The following ARID1B variants were observed in gnomAD, a reference collection of about 807,000 sequenced individuals.
ARID1B encodes AT-rich interaction domain 1B.
A neutral mutation model predicts 212.3 loss-of-function variants in ARID1B; 30 were observed. The ratio of observed to expected loss-of-function variants is 0.14; its 90% CI spans 0.11 to 0.19. The LOEUF (loss-of-function observed/expected upper bound fraction) is 0.19, where lower values mean the gene tolerates loss of function less well. Among genes scored for constraint, ARID1B ranks in the 10% least tolerant of loss-of-function variants. The pLI, the probability that ARID1B is intolerant of heterozygous loss-of-function variation, is 1.00. For missense variants in ARID1B, 2,891 were observed against 3,204.0 expected (o/e 0.90, Z 2.36); for synonymous variants, 1,402 against 1,301.7 (o/e 1.08, Z -1.66).
intron 1 of ARID1B, among the ~76,000 whole-genome samples, chr6:156,816,846 G>A (rs973985551): frequency 1.3e-5 from 2 of 152,130 alleles, no homozygotes; most frequent in African/African-American, 4.8e-5. Flanking sequence ...TCCTTCTGGA[G>A]TTTGGATTTT....
At chr6:156,850,060 A>G (rs1406342430) in intron 2 of ARID1B, among the ~76,000 whole-genome samples, 1 of 149,244 alleles carries the variant, frequency 6.7e-6, no homozygotes. Flanking sequence ...TAGTTACTAG[A>G]TGCAGGCCCG....
chr6:157,202,780 G>A (rs1794194036), intron 18 of ARID1B, among the ~76,000 whole-genome samples: 1 of 150,250 alleles, frequency 6.7e-6, no homozygotes, highest in South Asian at 2.1e-4. Flanking sequence ...TATAGAATAT[G>A]TGTGTGTGTG....
chr6:157,058,552 A>G (rs1446694535), intron 4 of ARID1B, among the ~76,000 whole-genome samples: 1 of 152,218 alleles, frequency 6.6e-6, no homozygotes, highest in Non-Finnish European at 1.5e-5. Context: ...GGCGTGAGCC[A>G]CCGCGCCCAG....
At chr6:156,946,751 A>C (rs1385847934) in intron 4 of ARID1B, among the ~76,000 whole-genome samples, 1 of 152,118 alleles carries the variant, frequency 6.6e-6, no homozygotes, top group Admixed American at 6.6e-5. Context: ...AATCTGTGTG[A>C]CCAGGATGTG....
chr6:157,081,273 A>G (rs911052405), intron 4 of ARID1B, among the ~76,000 whole-genome samples: 7 of 152,322 alleles, frequency 4.6e-5, no homozygotes, highest in African/African-American at 1.7e-4. Flanking sequence ...ATCTGATAGT[A>G]CTTATAAAAG....
At chr6:157,002,338 C>G (rs1224758017) in intron 4 of ARID1B, among the ~76,000 whole-genome samples, 1 of 152,174 alleles carries the variant, frequency 6.6e-6, no homozygotes, top group Non-Finnish European at 1.5e-5. Context: ...TATCTTTACT[C>G]TCTGCTTACT....
In ARID1B at chr6:156,777,887, C is replaced by G; in HGVS notation, c.207C>G (p.Asn69Lys). 6.8e-7 allele frequency: 1 copy of G among 1,462,502 alleles called. No individual in the cohort carries two copies. The highest frequency in any genetic ancestry group is 9.0e-7 in the Non-Finnish European group (1 of 1,117,248). The allele number at this position is 1,462,502 out of a possible 1,614,324, so 90.6% of individuals were successfully genotyped here. A position where few individuals can be genotyped will look rare whatever the true frequency, so the allele number is the denominator to read the frequency against. ...GGGGDGGGGL[N>K]SVHHHPLLPR... The stretch of plus-strand genomic sequence containing the variant: ...GCGGCGACGGCGGCGGCGGCCTGAA[C>G]AGTGTGCACCACCACCCCCTGCTCC... Residue 69 changes from asparagine (N) to lysine (K), a missense_variant, in exon 1 of 20, where the codon AAC (asparagine) becomes AAG (lysine). This residue lies in a region of ARID1B where 1,643 missense variants were observed against 1,544.0 expected (regional missense o/e 1.06). Coordinates refer to ENST00000636930, the MANE Select transcript of ARID1B (RefSeq NM_001374828.1).
chr6:157,050,556 A>T (rs1464221772), intron 4 of ARID1B, among the ~76,000 whole-genome samples: 3 of 152,212 alleles, frequency 2.0e-5, no homozygotes, highest in Admixed American at 2.0e-4. Context: ...AAAATAAAAA[A>T]GTTACTTGTG....
chr6:156,815,131 GA>G (rs372167748), intron 1 of ARID1B, among the ~76,000 whole-genome samples: 18 of 152,204 alleles, frequency 1.2e-4, no homozygotes, highest in South Asian at 6.2e-4. Context: ...TTTTTTATTA[GA>G]AAGTCTAAGA....
In ARID1B at chr6:156,955,357, A is replaced by G. The variant is rs1793886784; in HGVS notation, c.2247+19781A>G. Among the ~76,000 whole-genome samples, 1 of 152,224 alleles carries G rather than the reference A, an allele frequency of 6.6e-6. No homozygotes were observed. Among genetic ancestry groups the G allele is most frequent in the Non-Finnish European group, 1.5e-5 (1 of 68,042 alleles). On this transcript the variant is annotated intron_variant, in intron 4 of 19. Transcript: ENST00000636930. This position sits in a 1 kb window ranked among gnomAD's most constrained non-coding sequence, Gnocchi z 4.2. Reference sequence around the variant, plus strand: ...TAAACCTAGAGCTACTGTATGTTCCAGGCCATACATTACATATTAACCACA... The same window carrying G: ...TAAACCTAGAGCTACTGTATGTTCCGGGCCATACATTACATATTAACCACA...
chr6:156,841,571 T>A (rs1422688943), intron 2 of ARID1B, among the ~76,000 whole-genome samples: 1 of 152,178 alleles, frequency 6.6e-6, no homozygotes, highest in Non-Finnish European at 1.5e-5. Flanking sequence ...AACAGCAATC[T>A]CTGTGCCAGG....
At chr6:156,820,562 T>C (rs1324659937) in intron 1 of ARID1B, among the ~76,000 whole-genome samples, 3 of 152,228 alleles carry the variant, frequency 2.0e-5, no homozygotes, top group Admixed American at 2.0e-4. Flanking sequence ...GTTCTTTTTA[T>C]GTGATAAATC....
intron 3 of ARID1B, among the ~76,000 whole-genome samples, chr6:156,913,658 G>A (rs949048372): frequency 2.7e-5 from 4 of 150,668 alleles, no homozygotes; most frequent in East Asian, 1.9e-4. Flanking sequence ...CCAGCCCGTG[G>A]TGCCCCCATC....
At chr6:156,946,089 G>T (rs1032130522) in intron 4 of ARID1B, among the ~76,000 whole-genome samples, 1 of 151,696 alleles carries the variant, frequency 6.6e-6, no homozygotes. Flanking sequence ...AGGCGTGGTG[G>T]CTCATGCCTT....
chr6:156,992,141 G>A (rs1425021292), intron 4 of ARID1B, among the ~76,000 whole-genome samples: 1 of 152,074 alleles, frequency 6.6e-6, no homozygotes, highest in Non-Finnish European at 1.5e-5. Context: ...AACTGTACAG[G>A]GTAGTATGTC....
At chr6:157,053,211 G>A (rs11156135) in intron 4 of ARID1B, among the ~76,000 whole-genome samples, 42,474 of 151,942 alleles carry the variant, frequency 0.28, 6,212 homozygotes, top group Non-Finnish European at 0.32. Flanking sequence ...TCAGCCTCCC[G>A]AGTAGCTGGG....
At chr6:156,889,198 A>AT in intron 2 of ARID1B, among the ~76,000 whole-genome samples, 1 of 152,328 alleles carries the variant, frequency 6.6e-6, no homozygotes, top group African/African-American at 2.4e-5. Context: ...GAAATATGCT[A>AT]TTTTTTAAGC....
In ARID1B at chr6:156,871,657, G is replaced by A. The variant is rs771027441; in HGVS notation, c.1987-29719G>A. On this transcript the variant is annotated intron_variant, in intron 2 of 19. Coordinates refer to ENST00000636930, the MANE Select transcript of ARID1B (RefSeq NM_001374828.1). ...TGGAAAGAAACATTCTGGTTGGCAA[G>A]TATCTTCTTACATGCTCTTACTTGC... 1.2e-5 allele frequency: 19 copies of A among 1,612,014 alleles called. No individual in the cohort carries two copies. The South Asian group carries it at 2.0e-4, about 17-fold the overall frequency.
chr6:157,004,916 T>TTTTTTTTTTG (rs1779147491), intron 4 of ARID1B, among the ~76,000 whole-genome samples: 1 of 116,478 alleles, frequency 8.6e-6, no homozygotes, highest in Non-Finnish European at 1.7e-5. Context: ...TTTTTTTTTT[T>TTTTTTTTTTG]TTTTTTTTTT....
Sources: allele counts gnomAD v4.1 joint callset (sites outside exome capture counted in the v4.1 genomes callset), GRCh38; gene constraint gnomAD v4.1.1; regional missense constraint gnomAD v4.1.1; non-coding constraint Gnocchi (gnomAD v3.1); transcripts MANE v1.5; gene names NCBI Gene and HGNC (gene_info 2026-07-23, HGNC 2026-07-21).